The following ZNF586 variants were observed in gnomAD, a reference collection of about 807,000 sequenced individuals.
ZNF586 encodes the protein zinc finger protein 586.
A neutral mutation model predicts 6.7 loss-of-function variants in ZNF586; 7 were observed. The ratio of observed to expected loss-of-function variants is 1.04; its 90% confidence interval spans 0.59 to 1.95. The LOEUF is 1.95. Ranked by LOEUF, ZNF586 falls within the 30% of genes most tolerant of loss-of-function variation. The probability of loss-of-function intolerance (pLI) is 0.00; values close to 1 mark genes in which losing one functional copy is unlikely to be tolerated. For missense variants in ZNF586, 442 were observed against 489.6 expected (o/e 0.90, Z 0.92); for synonymous variants, 166 against 168.7 (o/e 0.98, Z 0.12).
intron 1 of ZNF586, among the ~76,000 whole-genome samples, chr19:57,771,600 G>A (rs1254179239): frequency 6.6e-6 from 1 of 152,150 alleles, no homozygotes; most frequent in Non-Finnish European, 1.5e-5. Context: ...ACTGATACTG[G>A]GGTGTGCAAA....
At position 57,776,638 on chromosome 19, in the gene ZNF586, G is replaced by T; in HGVS notation, c.132G>T (p.Met44Ile). The change falls in exon 2 of 3, where the codon ATG becomes ATT. Residue 44 changes from methionine (M) to isoleucine (I), a missense_variant. Met to Ile is a conservative substitution (Grantham distance 10, BLOSUM62 1). Transcript: ENST00000396154. ...EAQRCLYRDV[M>I]LETLTLISSL... ...AGAGATGCCTGTACCGTGACGTGAT[G>T]CTGGAGACCTTGACACTTATATCCT... 6.2e-7 allele frequency: 1 copy of T among 1,610,388 alleles called. No individual in the cohort carries two copies. The highest frequency in any genetic ancestry group is 8.5e-7 in the Non-Finnish European group (1 of 1,178,518).
rs1987039759 is a variant in ZNF586 at position 57,769,760 on chromosome 19, T to C, written c.-83T>C. ...CCATTGCACACAGGCGGATCTGAGG[T>C]TCGGCGACGCCGCTGGTCGCGACCC... On this transcript the variant is annotated 5_prime_UTR_variant, in exon 1 of 3. Coordinates refer to ENST00000396154, the MANE Select transcript of ZNF586 (RefSeq NM_017652.4). 8.4e-6 allele frequency: 12 copies of C among 1,428,376 alleles called. No homozygotes were observed. The South Asian group carries it at 1.2e-4, about 15-fold the overall frequency. The allele number at this position is 1,428,376 out of a possible 1,614,324, so 88.5% of individuals were successfully genotyped here.
In ZNF586 at chr19:57,779,842, G is replaced by A; in HGVS notation, c.*46G>A. 6.7e-7 allele frequency: 1 copy of A among 1,495,994 alleles called. No homozygotes were observed. Among genetic ancestry groups the A allele is most frequent in the Non-Finnish European group, 9.0e-7 (1 of 1,105,712 alleles). The allele number at this position is 1,495,994 out of a possible 1,614,324, so 92.7% of individuals were successfully genotyped here. Reference sequence around the variant, plus strand: ...TTGCCCAGGCTTTTTGCTCCTTCAAGGCCAGAGAGTTCACACCAGATCAAG... The same window carrying A: ...TTGCCCAGGCTTTTTGCTCCTTCAAAGCCAGAGAGTTCACACCAGATCAAG... On this transcript the variant is annotated 3_prime_UTR_variant, in exon 3 of 3. Coordinates refer to ENST00000396154, the MANE Select transcript of ZNF586 (RefSeq NM_017652.4).
At position 57,778,762 on chromosome 19, in the gene ZNF586, G is replaced by T; in HGVS notation, c.175G>T (p.Gly59Ter). The part of the protein sequence containing the change: ...TLISSLGCWH[G>*]GEDEAAPSKQ... ...TTCTTTGCTTTTAGGTTGTTGGCAT[G>T]GAGGGGAAGATGAGGCAGCACCTTC... is the stretch of plus-strand genomic sequence containing the variant. The change falls in exon 3 of 3, where the codon GGA (glycine) becomes TGA (stop). Residue 59 changes from glycine (G) to a stop codon, truncating the protein, a stop_gained. Coordinates refer to ENST00000396154, the MANE Select transcript of ZNF586 (RefSeq NM_017652.4). LOFTEE classifies it low-confidence loss of function (END_TRUNC). The T allele has an allele frequency of 6.2e-7, 1 of 1,604,452 alleles. No homozygotes were observed. Among genetic ancestry groups the T allele is most frequent in the Non-Finnish European group, 8.5e-7 (1 of 1,174,916 alleles).
In ZNF586 at chr19:57,779,913, T is replaced by C. The variant is rs1987345676; in HGVS notation, c.*117T>C. ...GGGGAATATTCTTTAGCTAGAATGC[T>C]AGCTTCTTTACATAAAAGAGTGCTC... On this transcript the variant is annotated 3_prime_UTR_variant, in exon 3 of 3. Transcript: ENST00000396154. The C allele has an allele frequency of 1.1e-6, 1 of 910,534 alleles. No homozygotes were observed. The highest frequency in any genetic ancestry group is 2.9e-5 in the Admixed American group (1 of 34,954). The allele number at this position is 910,534 out of a possible 1,614,324, so 56.4% of individuals were successfully genotyped here.
intron 2 of ZNF586, among the ~76,000 whole-genome samples, chr19:57,778,345 G>T (rs1162060269): frequency 1.3e-5 from 2 of 152,142 alleles, no homozygotes; most frequent in African/African-American, 4.8e-5. Flanking sequence ...AAAGTGCTGG[G>T]ATTAGAGGCA....
At chr19:57,773,047 A>G (rs926190844) in intron 1 of ZNF586, among the ~76,000 whole-genome samples, 1 of 152,210 alleles carries the variant, frequency 6.6e-6, no homozygotes, top group African/African-American at 2.4e-5. Flanking sequence ...ATGCCAGAAA[A>G]GGAGATGACC....
rs1987347984 is a variant in ZNF586, at chr19:57,780,003, T to C, written c.*207T>C. The C allele has an allele frequency of 3.6e-6, 2 of 548,256 alleles. No individual in the cohort carries two copies. The highest frequency in any genetic ancestry group is 6.4e-6 in the Non-Finnish European group (2 of 314,006). 34.0% of individuals were successfully genotyped at this position (548,256 alleles called of 1,614,324 possible). On this transcript the variant is annotated 3_prime_UTR_variant, in exon 3 of 3. Coordinates refer to ENST00000396154, the MANE Select transcript of ZNF586 (RefSeq NM_017652.4). ...AAGCCTTCAGCCCTCTCTCATTGGT[T>C]ACCACAATATTTACATGAGGAAAAT...
chr19:57,777,917 G>A (rs141374415), intron 2 of ZNF586, among the ~76,000 whole-genome samples: 32 of 150,710 alleles, frequency 2.1e-4, no homozygotes, highest in African/African-American at 7.6e-4. Context: ...CACCACGCCC[G>A]GCTAATTTTT....
At chr19:57,776,444 G>C in intron 1 of ZNF586, 99 bp from the exon 2 acceptor site, 1 of 1,429,726 alleles carries the variant, frequency 7.0e-7, no homozygotes, top group African/African-American at 1.4e-5. Context: ...GGGGATCCTG[G>C]GAGGAGGAGG....
At chr19:57,777,939 A>T (rs1399738770) in intron 2 of ZNF586, among the ~76,000 whole-genome samples, 1 of 150,850 alleles carries the variant, frequency 6.6e-6, no homozygotes, top group Non-Finnish European at 1.5e-5. Flanking sequence ...GGGTATTTTT[A>T]GTAAAGATAG....
rs997962439 is a variant in ZNF586, at chr19:57,779,617, C to T, written c.1030C>T (p.Pro344Ser). The change falls in exon 3 of 3, where the codon CCT becomes TCT. Residue 344 changes from proline to serine, a missense_variant. Transcript: ENST00000396154. ...TCTGAGAGTTCACACTGGAGAAAGG[C>T]CTTATGAGTGCAGTGACTGTGGGAA... The part of the protein sequence containing the change: ...IHLRVHTGER[P>S]YECSDCGKSF... The T allele has an allele frequency of 1.9e-6, 3 of 1,613,784 alleles. No individual in the cohort carries two copies. Among genetic ancestry groups the T allele is most frequent in the Non-Finnish European group, 2.5e-6 (3 of 1,179,972 alleles).
intron 2 of ZNF586, among the ~76,000 whole-genome samples, chr19:57,777,910 C>T (rs1367974869): frequency 2.0e-5 from 3 of 150,802 alleles, no homozygotes; most frequent in African/African-American, 7.3e-5. Context: ...GGCCCACCAC[C>T]ACGCCCGGCT....
intron 1 of ZNF586, among the ~76,000 whole-genome samples, chr19:57,775,549 A>C (rs930043871): frequency 2.6e-5 from 4 of 151,416 alleles, no homozygotes; most frequent in Non-Finnish European, 5.9e-5. Context: ...ATCAGGGACT[A>C]TCACACCCTC....
chr19:57,779,348 G>A lies in ZNF586; in HGVS notation c.761G>A (p.Arg254Lys), dbSNP rs867407166. The A allele has an allele frequency of 3.7e-6, 6 of 1,613,110 alleles. No homozygotes were observed. The South Asian group carries it at 5.5e-5, about 15-fold the overall frequency. Reference sequence around the variant, plus strand: ...AACTCCAGTCTTATTAAACACTTGAGAGTTCACACAGGAGAAAGGCCTTAT... The same window carrying A: ...AACTCCAGTCTTATTAAACACTTGAAAGTTCACACAGGAGAAAGGCCTTAT... The part of the protein sequence containing the change: ...AENSSLIKHL[R>K]VHTGERPYEC... Residue 254 changes from arginine (R) to lysine (K), a missense_variant, in exon 3 of 3, where the codon AGA (arginine) becomes AAA (lysine). By Grantham distance (26) the Arg-to-Lys change is conservative. Transcript: ENST00000396154.
intron 2 of ZNF586, 148 bp downstream of exon 2, chr19:57,776,817 T>A: frequency 1.1e-6 from 1 of 927,198 alleles, no homozygotes; most frequent in Non-Finnish European, 1.6e-6. Flanking sequence ...GAGGTGTACG[T>A]ACTGCCCTGT....
At chr19:57,772,500 T>G (rs1987121254) in intron 1 of ZNF586, among the ~76,000 whole-genome samples, 2 of 19,570 alleles carry the variant, frequency 1.0e-4, no homozygotes, top group South Asian at 1.2e-3. Context: ...CCCCAGGATG[T>G]TTTTTTTTTT....
At position 57,776,625 on chromosome 19, in the gene ZNF586, A is replaced by G; in HGVS notation, c.119A>G (p.Tyr40Cys). The change falls in exon 2 of 3, where the codon TAC (tyrosine) becomes TGC (cysteine). Residue 40 changes from tyrosine to cysteine, a missense_variant. Coordinates refer to ENST00000396154, the MANE Select transcript of ZNF586 (RefSeq NM_017652.4). The part of the protein sequence containing the change: ...SLLNEAQRCL[Y>C]RDVMLETLTL... Reference sequence around the variant, plus strand: ...CTTAATGAGGCTCAGAGATGCCTGTACCGTGACGTGATGCTGGAGACCTTG... The same window carrying G: ...CTTAATGAGGCTCAGAGATGCCTGTGCCGTGACGTGATGCTGGAGACCTTG... 4.3e-6 allele frequency: 7 copies of G among 1,612,204 alleles called. No individual in the cohort carries two copies. Among genetic ancestry groups the G allele is most frequent in the Non-Finnish European group, 5.9e-6 (7 of 1,179,334 alleles).
chr19:57,779,464 A>G lies in ZNF586; in HGVS notation c.877A>G (p.Ser293Gly). 6.2e-7 allele frequency: 1 copy of G among 1,614,166 alleles called. No homozygotes were observed. Among genetic ancestry groups the G allele is most frequent in the South Asian group, 1.1e-5 (1 of 91,078 alleles). Reference protein sequence around the residue: ...VHTRERPYECSECGKSFSLRS... With the variant: ...VHTRERPYECGECGKSFSLRS... Reference sequence around the variant, plus strand: ...CACTAGAGAAAGGCCTTATGAATGTAGTGAATGTGGGAAATCCTTTAGCTT... The same window carrying G: ...CACTAGAGAAAGGCCTTATGAATGTGGTGAATGTGGGAAATCCTTTAGCTT... The change falls in exon 3 of 3, where the codon AGT (serine) becomes GGT (glycine). Residue 293 changes from serine to glycine, a missense_variant. Transcript: ENST00000396154.
Sources: gnomAD v4.1 joint callset for allele counts (sites outside exome capture counted in the v4.1 genomes callset) on GRCh38, gnomAD v4.1.1 for gene constraint, MANE v1.5 for transcripts, NCBI Gene and HGNC (gene_info 2026-07-23, HGNC 2026-07-21) for gene names.